Variants in CUX2 observed in about 807,000 individuals in gnomAD.
CUX2 encodes homeobox protein cut-like 2.
CUX2 carries 40 observed loss-of-function variants against 144.8 expected under a neutral mutation model. The ratio of observed to expected loss-of-function variants is 0.28; its 90% CI spans 0.21 to 0.36. The LOEUF (loss-of-function observed/expected upper bound fraction) is 0.36, where lower values mean the gene tolerates loss of function less well. Among genes scored for constraint, CUX2 ranks in the 10% least tolerant of loss-of-function variants. The pLI is 1.00. For missense variants in CUX2, 1,615 were observed against 1,994.0 expected (o/e 0.81, Z 3.62); for synonymous variants, 827 against 875.6 (o/e 0.94, Z 0.98).
chr12:111,045,824 A>G (rs1869971907), intron 1 of CUX2, among the ~76,000 whole-genome samples: 1 of 152,304 alleles, frequency 6.6e-6, no homozygotes, highest in South Asian at 2.1e-4. Context: ...CCCCTACCTC[A>G]TAGGGACATT....
chr12:111,066,714 CT>C (rs1473808324), intron 1 of CUX2, among the ~76,000 whole-genome samples: 4 of 152,192 alleles, frequency 2.6e-5, no homozygotes, highest in African/African-American at 9.7e-5. Context: ...CTTGACTGCT[CT>C]AAGGAGGAGG....
chr12:111,068,740 A>G lies in CUX2; in HGVS notation c.63+34500A>G, dbSNP rs1457113821. ...CAGGGGCTGTTTGCACCCTGAGAGG[A>G]GAGGAGACGGGGTGCCGGTAATGCC... is the stretch of plus-strand genomic sequence containing the variant. On this transcript the variant is annotated intron_variant, in intron 1 of 21. Coordinates refer to ENST00000261726, the MANE Select transcript of CUX2 (RefSeq NM_015267.4). This position sits in a 1 kb window ranked among gnomAD's most constrained non-coding sequence, Gnocchi z 4.9. Among the ~76,000 whole-genome samples the G allele has an allele frequency of 6.6e-6, 1 of 152,112 alleles. No individual in the cohort carries two copies. The highest frequency in any genetic ancestry group is 1.9e-4 in the East Asian group (1 of 5,176).
chr12:111,089,077 C>T (rs1046408175), intron 1 of CUX2, among the ~76,000 whole-genome samples: 4 of 152,164 alleles, frequency 2.6e-5, no homozygotes, highest in African/African-American at 9.7e-5. Flanking sequence ...AGGCACGGGG[C>T]GAAGGGACCT....
At chr12:111,330,706 T>TACATATAC (rs1565926089) in intron 18 of CUX2, among the ~76,000 whole-genome samples, 3,217 of 22,820 alleles carry the variant, frequency 0.14, 442 homozygotes, top group East Asian at 0.36. Flanking sequence ...TATATATATA[T>TACATATAC]ATATATATAT....
At chr12:111,103,772 G>A (rs926883478) in intron 1 of CUX2, among the ~76,000 whole-genome samples, 4 of 152,206 alleles carry the variant, frequency 2.6e-5, no homozygotes, top group Admixed American at 6.5e-5. Context: ...TCAGGTGTCT[G>A]CCTTCAGGCA....
chr12:111,226,513 T>C (rs1219783312), intron 3 of CUX2, among the ~76,000 whole-genome samples: 1 of 152,196 alleles, frequency 6.6e-6, no homozygotes, highest in Non-Finnish European at 1.5e-5. Flanking sequence ...AAATTATTAA[T>C]GCTTTTTTCC....
At chr12:111,177,127 G>A (rs989241235) in intron 1 of CUX2, among the ~76,000 whole-genome samples, 1 of 152,150 alleles carries the variant, frequency 6.6e-6, no homozygotes, top group African/African-American at 2.4e-5. Flanking sequence ...CCTTCAGGAT[G>A]TCTTATCTCT....
chr12:111,051,987 C>G (rs531716629), intron 1 of CUX2, among the ~76,000 whole-genome samples: 1 of 151,922 alleles, frequency 6.6e-6, no homozygotes, highest in African/African-American at 2.4e-5. Context: ...TTTCAGCATG[C>G]CTTTCATTCT....
At chr12:111,113,720 A>G (rs1341766702) in intron 1 of CUX2, among the ~76,000 whole-genome samples, 2 of 151,976 alleles carry the variant, frequency 1.3e-5, no homozygotes, top group Non-Finnish European at 2.9e-5. Flanking sequence ...ACACCCAGCT[A>G]ATTTTTGTAT....
intron 17 of CUX2, among the ~76,000 whole-genome samples, chr12:111,321,272 TC>T (rs1487681484): frequency 6.6e-6 from 1 of 151,878 alleles, no homozygotes; most frequent in Non-Finnish European, 1.5e-5. Flanking sequence ...ATCAAGACCA[TC>T]CTGGCCAACA....
At chr12:111,219,131 C>G (rs1255116873) in intron 3 of CUX2, among the ~76,000 whole-genome samples, 1 of 152,176 alleles carries the variant, frequency 6.6e-6, no homozygotes, top group Non-Finnish European at 1.5e-5. Flanking sequence ...TTAAATCTGT[C>G]TCTTTGGAAC....
chr12:111,154,890 G>C (rs1877280026), intron 1 of CUX2, among the ~76,000 whole-genome samples: 1 of 152,192 alleles, frequency 6.6e-6, no homozygotes, highest in African/African-American at 2.4e-5. Flanking sequence ...CTTTGGGGAT[G>C]ACAGCCTTGC....
chr12:111,307,116 G>C lies in CUX2; in HGVS notation c.1050+4G>C, dbSNP rs894531920. 2 of 1,612,790 alleles carry C rather than the reference G, an allele frequency of 1.2e-6. No homozygotes were observed. Among genetic ancestry groups the C allele is most frequent in the African/African-American group, 2.7e-5 (2 of 74,912 alleles). ...GGCCAAGTCCGAGGCCATAGAAGTG[G>C]GTCCTGGGGAGGAGGCAGGCGGGCA... On this transcript the variant is annotated splice_donor_region_variant and intron_variant, in intron 11 of 21. Coordinates refer to ENST00000261726, the MANE Select transcript of CUX2 (RefSeq NM_015267.4). This position sits in a 1 kb window ranked among gnomAD's most constrained non-coding sequence, Gnocchi z 4.1.
rs372939426 is a variant in CUX2, at chr12:111,307,136, C to A, written c.1050+24C>A. On this transcript the variant is annotated intron_variant, in intron 11 of 21. Transcript: ENST00000261726. The surrounding 1 kb of genome is among the most constrained non-coding windows in gnomAD (Gnocchi z 4.1). ...AAGTGGGTCCTGGGGAGGAGGCAGG[C>A]GGGCAGGCGGCCCCATGCAGAAGCA... 3 of 1,612,904 alleles carry A rather than the reference C, an allele frequency of 1.9e-6. No homozygotes were observed. In the African/African-American group the frequency reaches 4.0e-5, roughly 22 times the overall value.
chr12:111,134,664 T>C lies in CUX2; in HGVS notation c.64-79536T>C, dbSNP rs904102679. On this transcript the variant is annotated intron_variant, in intron 1 of 21. Transcript: ENST00000261726. Reference sequence around the variant, plus strand: ...TGTGTGTGTGTTTCTGCTGCTGGTATAGTCAAACCAAATATGTACCTAGAG... The same window carrying C: ...TGTGTGTGTGTTTCTGCTGCTGGTACAGTCAAACCAAATATGTACCTAGAG... Among the ~76,000 whole-genome samples, 4 of 146,852 alleles carry C rather than the reference T, an allele frequency of 2.7e-5. No homozygotes were observed. In the South Asian group the frequency reaches 6.2e-4, roughly 23 times the overall value.
At chr12:111,093,133 G>A (rs898418168) in intron 1 of CUX2, among the ~76,000 whole-genome samples, 1 of 152,194 alleles carries the variant, frequency 6.6e-6, no homozygotes, top group Non-Finnish European at 1.5e-5. Flanking sequence ...ACAGATTTAA[G>A]TTTCCTGCCC....
intron 3 of CUX2, among the ~76,000 whole-genome samples, chr12:111,248,455 G>A (rs1883389469): frequency 6.6e-6 from 1 of 152,152 alleles, no homozygotes; most frequent in African/African-American, 2.4e-5. Context: ...GGTTCGGCTG[G>A]CAGTTTGCCA....
intron 1 of CUX2, among the ~76,000 whole-genome samples, chr12:111,188,132 G>T (rs1201872891): frequency 6.6e-6 from 1 of 152,244 alleles, no homozygotes; most frequent in South Asian, 2.1e-4. Context: ...GGCTCTCCAG[G>T]CCACTTCTGG....
chr12:111,166,534 A>G (rs1428503243), intron 1 of CUX2, among the ~76,000 whole-genome samples: 1 of 152,200 alleles, frequency 6.6e-6, no homozygotes, highest in African/African-American at 2.4e-5. Flanking sequence ...CCCACCCAAC[A>G]ACTCTATGAG....
Sources: allele counts gnomAD v4.1 joint callset (sites outside exome capture counted in the v4.1 genomes callset), GRCh38; gene constraint gnomAD v4.1.1; non-coding constraint Gnocchi (gnomAD v3.1); transcripts MANE v1.5; gene names NCBI Gene and HGNC (gene_info 2026-07-23, HGNC 2026-07-21).